MPP2: variants seen among roughly 807,000 people sequenced by gnomAD.
MPP2 encodes MAGUK p55 scaffold protein 2, also known as MAGUK p55 subfamily member 2.
In MPP2, 42 loss-of-function variants were observed where a neutral mutation model predicts 58.5. That is an observed-to-expected ratio of 0.72 (90% confidence interval 0.56 to 0.93). The LOEUF (loss-of-function observed/expected upper bound fraction) is 0.93. Among genes scored for constraint, MPP2 ranks in the 40% least tolerant of loss-of-function variants. The pLI, the probability that MPP2 is intolerant of heterozygous loss-of-function variation, is 0.00. For missense variants in MPP2, 632 were observed against 760.4 expected, an observed-to-expected ratio of 0.83 and a Z score of 1.99; for synonymous variants, 300 against 307.8, an observed-to-expected ratio of 0.97 and a Z score of 0.26.
intron 1 of MPP2, chr17:43,907,100 C>T (rs2048322465): frequency 1.1e-6 from 1 of 921,074 alleles, no homozygotes; most frequent in African/African-American, 1.8e-5. Context: ...CTCCCCAACC[C>T]CCGGAAGCGC....
chr17:43,894,819 C>T (rs1227624098), intron 3 of MPP2, among the ~76,000 whole-genome samples: 1 of 91,694 alleles, frequency 1.1e-5, no homozygotes, highest in African/African-American at 3.3e-5. Context: ...TTTGTAGCCC[C>T]AGTTACTCAG....
At chr17:43,882,155 GGCTGCA>G in intron 6 of MPP2, 123 bp downstream of exon 6, 3 of 864,866 alleles carry the variant, frequency 3.5e-6, no homozygotes, top group Non-Finnish European at 5.4e-6. Flanking sequence ...GCTGCCCCTG[GGCTGCA>G]GGTCCCACCC....
At chr17:43,900,516 C>A in intron 2 of MPP2, 1 of 1,548,866 alleles carries the variant, frequency 6.5e-7, no homozygotes, top group Non-Finnish European at 8.7e-7. Context: ...AGGGATATAC[C>A]CTCCAAGGAG....
intron 3 of MPP2, 174 bp downstream of exon 3, chr17:43,898,088 T>G: frequency 4.9e-6 from 3 of 616,716 alleles, no homozygotes; most frequent in Non-Finnish European, 8.8e-6. Flanking sequence ...CAGCCCCCTC[T>G]ACCTGCAGCC....
At chr17:43,889,071 A>C (rs1453162083) in intron 3 of MPP2, among the ~76,000 whole-genome samples, 1 of 151,838 alleles carries the variant, frequency 6.6e-6, no homozygotes, top group Non-Finnish European at 1.5e-5. Context: ...GACTACAGGC[A>C]CGCGCCACCA....
At position 43,880,081 on chromosome 17, in the gene MPP2, C is replaced by A; in HGVS notation, c.1151-97G>T. On this transcript the variant is annotated intron_variant, in intron 10 of 12. Transcript: ENST00000269095. This position sits in a 1 kb window ranked among gnomAD's most constrained non-coding sequence, Gnocchi z 5.2. ...CCCTACCCAGGCCCCCGTTTCCCAG[C>A]CTTGGAGGTGCAGTCTGCTCCCCAT... 5 of 1,197,676 alleles carry A rather than the reference C, an allele frequency of 4.2e-6. No individual in the cohort carries two copies. Among genetic ancestry groups the A allele is most frequent in the Non-Finnish European group, 4.8e-6 (4 of 837,318 alleles). 74.2% of individuals were successfully genotyped at this position (1,197,676 alleles called of 1,614,324 possible).
chr17:43,907,888 T>C, upstream of MPP2: 1 of 985,412 alleles, frequency 1.0e-6, no homozygotes, highest in Non-Finnish European at 1.2e-6. Context: ...GGCGTTCTAG[T>C]TCCAGGCGTG....
chr17:43,892,330 C>T (rs927934485), intron 3 of MPP2, among the ~76,000 whole-genome samples: 1 of 152,196 alleles, frequency 6.6e-6, no homozygotes, highest in African/African-American at 2.4e-5. Flanking sequence ...GGCCACTTCA[C>T]GAAGTTTTTG....
upstream of MPP2, chr17:43,909,577 T>G: frequency 6.8e-7 from 1 of 1,473,982 alleles, no homozygotes; most frequent in Non-Finnish European, 9.0e-7. Flanking sequence ...TCCATTCCAT[T>G]TAGGATCCTC....
At chr17:43,906,504 A>AG (rs943231495) in intron 1 of MPP2, among the ~76,000 whole-genome samples, 59 of 152,284 alleles carry the variant, frequency 3.9e-4, no homozygotes, top group Middle Eastern at 3.4e-3. Flanking sequence ...CAGCAGTGAA[A>AG]GGGAGAGGTT....
In MPP2 at chr17:43,880,479, C is replaced by T. The variant is rs1259964260; in HGVS notation, c.1150+212G>A. Among the ~76,000 whole-genome samples, 3 of 152,212 alleles carry T rather than the reference C, an allele frequency of 2.0e-5. No individual in the cohort carries two copies. The highest frequency in any genetic ancestry group is 3.9e-4 in the East Asian group (2 of 5,194). ...AAGGAAAGTGGACGCCAGCCCAGCC[C>T]GCTAGGCCACCTGTTGGCTGGACAC... On this transcript the variant is annotated intron_variant, in intron 10 of 12. Transcript: ENST00000269095. This position sits in a 1 kb window ranked among gnomAD's most constrained non-coding sequence, Gnocchi z 5.2.
intron 3 of MPP2, among the ~76,000 whole-genome samples, chr17:43,884,612 T>C (rs981869887): frequency 1.3e-5 from 2 of 152,238 alleles, no homozygotes; most frequent in Admixed American, 1.3e-4. Flanking sequence ...ACGTTAATCC[T>C]TTTGACAAGA....
chr17:43,884,531 G>T (rs773182102), intron 3 of MPP2, among the ~76,000 whole-genome samples: 3 of 152,128 alleles, frequency 2.0e-5, no homozygotes, highest in African/African-American at 4.8e-5. Flanking sequence ...GACATTTTTA[G>T]ACTCCAGGCC....
chr17:43,907,425 G>A (rs2048334061), intron 1 of MPP2, 49 bp downstream of exon 1: 3 of 985,520 alleles, frequency 3.0e-6, no homozygotes, highest in African/African-American at 3.5e-5. Flanking sequence ...ACGAAAAGAA[G>A]GCGGAGGTCT....
At position 43,879,526 on chromosome 17, in the gene MPP2, G is replaced by A. The variant is rs753456740; in HGVS notation, c.1354-123C>T. On this transcript the variant is annotated intron_variant, in intron 11 of 12. Coordinates refer to ENST00000269095, the MANE Select transcript of MPP2 (RefSeq NM_005374.5). This position sits in a 1 kb window ranked among gnomAD's most constrained non-coding sequence, Gnocchi z 4.1. ...GGGAGTGGATGAGAAAAGGGTGCCC[G>A]GGGGTCTGGGACATGAGTCCTGGGA... The A allele has an allele frequency of 1.7e-5, 22 of 1,265,994 alleles. No individual in the cohort carries two copies. Among genetic ancestry groups the A allele is most frequent in the Middle Eastern group, 1.9e-4 (1 of 5,256 alleles). 78.4% of individuals were successfully genotyped at this position (1,265,994 alleles called of 1,614,324 possible). A position where few individuals can be genotyped will look rare whatever the true frequency, so the allele number is the denominator to read the frequency against.
At chr17:43,886,346 G>A (rs970710059) in intron 3 of MPP2, among the ~76,000 whole-genome samples, 3 of 151,132 alleles carry the variant, frequency 2.0e-5, no homozygotes, top group East Asian at 2.0e-4. Context: ...GTGCAGTGGC[G>A]CGATCTCAGC....
Position 43,875,885 on chromosome 17 carries a change from C to G in MPP2, c.*1922G>C, listed in dbSNP as rs750456154. The G allele has an allele frequency of 1.1e-4, 16 of 152,150 alleles. No homozygotes were observed. The highest frequency in any genetic ancestry group is 1.5e-4 in the Non-Finnish European group (10 of 68,038). The allele number at this position is 152,150 out of a possible 1,614,324, so 9.4% of individuals were successfully genotyped here. A position where few individuals can be genotyped will look rare whatever the true frequency, so the allele number is the denominator to read the frequency against. ...TTCCCCTGCCTCTACCCTCAAATCC[C>G]CCAGAGAAGGTAGGAAATGGCAAGT... On this transcript the variant is annotated 3_prime_UTR_variant, in exon 13 of 13. Coordinates refer to ENST00000269095, the MANE Select transcript of MPP2 (RefSeq NM_005374.5).
In MPP2 at chr17:43,883,076, G is replaced by A. The variant is rs376099405; in HGVS notation, c.304-24C>T. 3.0e-5 allele frequency: 48 copies of A among 1,599,010 alleles called. No homozygotes were observed. The African/African-American group carries it at 5.7e-4, about 19-fold the overall frequency. On this transcript the variant is annotated intron_variant, in intron 4 of 12. Transcript: ENST00000269095. Reference sequence around the variant, plus strand: ...GACTGGGGGGTGGTGGGAAGAGAAGGGACAATGGGGCAGTGTCCCGGGTCT... The same window carrying A: ...GACTGGGGGGTGGTGGGAAGAGAAGAGACAATGGGGCAGTGTCCCGGGTCT...
rs562853910 is a variant in MPP2 at position 43,899,282 on chromosome 17, A to G, written c.32-902T>C. ...AAAAGAAAAAGAAAAGAAAACCACA[A>G]GCTCCTCACTCAACCTCTAGATGGG... On this transcript the variant is annotated intron_variant, in intron 2 of 12. Coordinates refer to ENST00000269095, the MANE Select transcript of MPP2 (RefSeq NM_005374.5). Among the ~76,000 whole-genome samples, 242 of 152,172 alleles carry G rather than the reference A, an allele frequency of 1.6e-3. 1 individual carries two copies. Among genetic ancestry groups the G allele is most frequent in the African/African-American group, 5.7e-3 (238 of 41,530 alleles).
Sources: allele counts gnomAD v4.1 joint callset (sites outside exome capture counted in the v4.1 genomes callset), GRCh38; gene constraint gnomAD v4.1.1; non-coding constraint Gnocchi (gnomAD v3.1); transcripts MANE v1.5; gene names NCBI Gene and HGNC (gene_info 2026-07-23, HGNC 2026-07-21).